The following ZFPM2 variants were observed in gnomAD, a reference collection of about 807,000 sequenced individuals.
The protein encoded by ZFPM2 is zinc finger protein ZFPM2.
Under a neutral mutation model 98.6 loss-of-function variants are expected in ZFPM2, and 20 were observed. The ratio of observed to expected loss-of-function variants is 0.20; its 90% CI spans 0.14 to 0.29. The LOEUF (loss-of-function observed/expected upper bound fraction) is 0.29. Ranked by LOEUF, ZFPM2 falls within the 10% of genes least tolerant of loss-of-function variation. The pLI is 1.00. For synonymous variants in ZFPM2, 518 were observed against 502.7 expected, an observed-to-expected ratio of 1.03 and a Z score of -0.41; for missense variants, 1,310 against 1,388.6, an observed-to-expected ratio of 0.94 and a Z score of 0.90.
chr8:105,583,814 G>T (rs17289997), intron 4 of ZFPM2, among the ~76,000 whole-genome samples: 15,214 of 152,228 alleles, frequency 0.1, 1,013 homozygotes, highest in Middle Eastern at 0.22. Context: ...CTCCAGTCAG[G>T]TTAAGGGGTC....
intron 5 of ZFPM2, chr8:105,737,889 G>A (rs1467318578): frequency 6.6e-6 from 1 of 151,814 alleles, no homozygotes; most frequent in South Asian, 2.1e-4. Context: ...CTTCTAGTGG[G>A]TGCTTTCTTA....
intron 5 of ZFPM2, among the ~76,000 whole-genome samples, chr8:105,635,560 G>A (rs1323243359): frequency 1.3e-5 from 2 of 152,034 alleles, no homozygotes; most frequent in African/African-American, 4.8e-5. Context: ...GAATACCTGT[G>A]GTATGCTGGT....
intron 1 of ZFPM2, among the ~76,000 whole-genome samples, chr8:105,346,239 C>T (rs982402185): frequency 1.3e-5 from 2 of 151,800 alleles, no homozygotes; most frequent in Non-Finnish European, 2.9e-5. Context: ...ACAAAATTAG[C>T]CGGGCGTGGT....
Position 105,801,043 on chromosome 8 carries a change from C to T in ZFPM2, c.965-4C>T. 1 of 1,610,412 alleles carries T rather than the reference C, an allele frequency of 6.2e-7. No homozygotes were observed. Among genetic ancestry groups the T allele is most frequent in the South Asian group, 1.1e-5 (1 of 90,616 alleles). ...CATTGTTCTTATTTTGTATGTCTCT[C>T]TAGGAGTGAAAATGGAAGAATTCCT... On this transcript the variant is annotated splice_polypyrimidine_tract_variant and splice_region_variant and intron_variant, in intron 7 of 7. Transcript: ENST00000407775.
At chr8:105,575,942 A>T (rs1016655780) in intron 4 of ZFPM2, among the ~76,000 whole-genome samples, 17 of 152,150 alleles carry the variant, frequency 1.1e-4, no homozygotes, top group African/African-American at 3.9e-4. Flanking sequence ...TTATTTATTG[A>T]GATTTTTGAA....
intron 1 of ZFPM2, among the ~76,000 whole-genome samples, chr8:105,327,551 AT>A (rs1812136943): frequency 6.6e-6 from 1 of 151,706 alleles, no homozygotes; most frequent in Non-Finnish European, 1.5e-5. Flanking sequence ...TGAGGGCCAC[AT>A]TTCTCTTATT....
chr8:105,360,656 A>T (rs1282947981), intron 1 of ZFPM2, among the ~76,000 whole-genome samples: 1 of 129,598 alleles, frequency 7.7e-6, no homozygotes, highest in Non-Finnish European at 1.6e-5. Context: ...CCAGAGTGTG[A>T]TGTTCCCCTT....
At chr8:105,737,417 T>TG (rs1175402314) in intron 5 of ZFPM2, 1 of 153,406 alleles carries the variant, frequency 6.5e-6, no homozygotes, top group Non-Finnish European at 1.5e-5. Flanking sequence ...TGGCTAATGA[T>TG]GGGTGCAGCA....
intron 4 of ZFPM2, among the ~76,000 whole-genome samples, chr8:105,615,897 A>G (rs1816404660): frequency 6.6e-6 from 1 of 152,112 alleles, no homozygotes; most frequent in Admixed American, 6.6e-5. Flanking sequence ...TGAAATAGGA[A>G]CTACTTAAGG....
At chr8:105,697,103 C>T (rs566067522) in intron 5 of ZFPM2, among the ~76,000 whole-genome samples, 1 of 152,040 alleles carries the variant, frequency 6.6e-6, no homozygotes, top group Non-Finnish European at 1.5e-5. Flanking sequence ...GCGGAAAATC[C>T]GAGTCTATGA....
At chr8:105,503,802 G>A (rs1813643466) in intron 3 of ZFPM2, among the ~76,000 whole-genome samples, 1 of 152,182 alleles carries the variant, frequency 6.6e-6, no homozygotes, top group Non-Finnish European at 1.5e-5. Context: ...GGTAGAGGAG[G>A]AAAAGTGTTT....
intron 4 of ZFPM2, among the ~76,000 whole-genome samples, chr8:105,568,896 T>G (rs1208759010): frequency 1.3e-5 from 2 of 152,148 alleles, no homozygotes; most frequent in Non-Finnish European, 2.9e-5. Flanking sequence ...CATTCTGAAC[T>G]ACATGCAGTG....
chr8:105,457,079 ATAAAT>A (rs1230109728), intron 3 of ZFPM2, among the ~76,000 whole-genome samples: 1 of 152,224 alleles, frequency 6.6e-6, no homozygotes, highest in African/African-American at 2.4e-5. Context: ...TTTGCTAACA[ATAAAT>A]TATATAATAT....
chr8:105,608,158 C>T (rs1320364126), intron 4 of ZFPM2, among the ~76,000 whole-genome samples: 1 of 151,886 alleles, frequency 6.6e-6, no homozygotes, highest in African/African-American at 2.4e-5. Context: ...CAAAGAAGGA[C>T]GGACACTGGG....
At chr8:105,655,375 G>A (rs1375939226) in intron 5 of ZFPM2, among the ~76,000 whole-genome samples, 2 of 151,852 alleles carry the variant, frequency 1.3e-5, no homozygotes, top group African/African-American at 4.8e-5. Context: ...GGGATTACAG[G>A]CATGCGCCAC....
rs773580723 is a variant in ZFPM2, at chr8:105,419,322, T to A, written c.199+20T>A. 1.2e-6 allele frequency: 2 copies of A among 1,609,406 alleles called. No individual in the cohort carries two copies. Among genetic ancestry groups the A allele is most frequent in the Admixed American group, 1.7e-5 (1 of 59,030 alleles). ...ACAAAGGTAATTGTTGATGGTTGGA[T>A]GTAATATGTGAGTCCACTTAAATGA... On this transcript the variant is annotated intron_variant, in intron 2 of 7. Transcript: ENST00000407775.
At chr8:105,614,064 T>A (rs2130804219) in intron 4 of ZFPM2, among the ~76,000 whole-genome samples, 1 of 152,246 alleles carries the variant, frequency 6.6e-6, no homozygotes, top group Non-Finnish European at 1.5e-5. Context: ...ACAACAAAAA[T>A]TTGCCACTTG....
intron 5 of ZFPM2, among the ~76,000 whole-genome samples, chr8:105,755,000 G>C (rs568322972): frequency 6.6e-6 from 1 of 151,954 alleles, no homozygotes; most frequent in South Asian, 2.1e-4. Context: ...GCGCATGTGC[G>C]CATGCGTGTG....
chr8:105,644,495 T>C (rs1817004607), intron 5 of ZFPM2, among the ~76,000 whole-genome samples: 1 of 150,576 alleles, frequency 6.6e-6, no homozygotes, highest in South Asian at 2.1e-4. Flanking sequence ...AAATGCTCTG[T>C]CTCTCTCTCT....
Sources: allele counts gnomAD v4.1 joint callset (sites outside exome capture counted in the v4.1 genomes callset), GRCh38; gene constraint gnomAD v4.1.1; transcripts MANE v1.5; gene names NCBI Gene and HGNC (gene_info 2026-07-23, HGNC 2026-07-21).